Variants in NAV3 observed in about 807,000 individuals in gnomAD.
NAV3 encodes the protein neuron navigator 3, also known as pore membrane and/or filament interacting like protein 1.
NAV3 carries 87 observed loss-of-function variants against 244.7 expected under a neutral mutation model. The ratio of observed to expected loss-of-function variants is 0.36; its 90% CI spans 0.30 to 0.42. NAV3 has a LOEUF of 0.42. Among genes scored for constraint, NAV3 ranks in the 20% least tolerant of loss-of-function variants. NAV3 has a pLI of 1.00. For missense variants in NAV3, 2,663 were observed against 2,893.3 expected, an observed-to-expected ratio of 0.92 and a Z score of 1.83; for synonymous variants, 1,126 against 1,042.2, an observed-to-expected ratio of 1.08 and a Z score of -1.55.
intron 2 of NAV3, among the ~76,000 whole-genome samples, chr12:77,803,186 C>G (rs1181453619): frequency 6.6e-6 from 1 of 152,006 alleles, no homozygotes; most frequent in Non-Finnish European, 1.5e-5. Flanking sequence ...TTTGCTGCAC[C>G]CATCAACCCA....
At chr12:77,579,667 C>T (rs547058108) in intron 2 of NAV3, among the ~76,000 whole-genome samples, 1 of 152,192 alleles carries the variant, frequency 6.6e-6, no homozygotes, top group East Asian at 1.9e-4. Flanking sequence ...GGCTAACATA[C>T]AAACCATAGT....
At chr12:78,191,558 A>G (rs906259864) in intron 34 of NAV3, among the ~76,000 whole-genome samples, 1 of 152,172 alleles carries the variant, frequency 6.6e-6, no homozygotes, top group Admixed American at 6.6e-5. Flanking sequence ...AATAAATGCA[A>G]TACATAAATT....
chr12:77,638,066 G>A (rs1327849042), intron 2 of NAV3, among the ~76,000 whole-genome samples: 1 of 152,066 alleles, frequency 6.6e-6, no homozygotes, highest in Non-Finnish European at 1.5e-5. Context: ...AGAACATAAT[G>A]TTTCTTGTCT....
At chr12:77,860,022 G>T (rs1425810850) in intron 1 of NAV3, among the ~76,000 whole-genome samples, 1 of 151,764 alleles carries the variant, frequency 6.6e-6, no homozygotes, top group Non-Finnish European at 1.5e-5. Context: ...AAAGAATGTG[G>T]TAGCTATATA....
intron 2 of NAV3, among the ~76,000 whole-genome samples, chr12:77,703,909 T>C (rs1875673122): frequency 1.3e-5 from 2 of 152,184 alleles, no homozygotes; most frequent in Non-Finnish European, 2.9e-5. Context: ...GATTGTGTTT[T>C]TAATATGACT....
chr12:77,752,331 A>G (rs943262582), intron 2 of NAV3, among the ~76,000 whole-genome samples: 5 of 152,300 alleles, frequency 3.3e-5, no homozygotes, highest in Non-Finnish European at 5.9e-5. Flanking sequence ...AAAGGGATCT[A>G]TAGACAGGAT....
At chr12:77,877,622 A>T (rs1340863170) in intron 1 of NAV3, among the ~76,000 whole-genome samples, 1 of 152,186 alleles carries the variant, frequency 6.6e-6, no homozygotes, top group Non-Finnish European at 1.5e-5. Flanking sequence ...TTAGGAAATA[A>T]ATAAATGGGG....
chr12:77,643,023 A>G (rs1872481708), intron 2 of NAV3, among the ~76,000 whole-genome samples: 2 of 151,896 alleles, frequency 1.3e-5, no homozygotes. Flanking sequence ...ATTAAGTTTC[A>G]TGTCACTTTT....
chr12:78,017,755 A>G (rs748459442), intron 8 of NAV3, among the ~76,000 whole-genome samples: 2 of 152,136 alleles, frequency 1.3e-5, no homozygotes, highest in Non-Finnish European at 2.9e-5. Context: ...TCATGAATCA[A>G]CCCAAATATT....
At chr12:78,184,371 G>A (rs1958623805) in intron 30 of NAV3, among the ~76,000 whole-genome samples, 1 of 151,826 alleles carries the variant, frequency 6.6e-6, no homozygotes, top group Non-Finnish European at 1.5e-5. Context: ...AAAGGAGCAA[G>A]ATAATTAAAA....
intron 2 of NAV3, among the ~76,000 whole-genome samples, chr12:77,664,391 A>G (rs1873619353): frequency 2.0e-5 from 3 of 152,198 alleles, no homozygotes; most frequent in Admixed American, 2.0e-4. Context: ...TTGGCTAAAT[A>G]TTCAATAGGT....
intron 5 of NAV3, among the ~76,000 whole-genome samples, chr12:77,971,995 T>C (rs1341369470): frequency 6.6e-6 from 1 of 152,168 alleles, no homozygotes; most frequent in South Asian, 2.1e-4. Flanking sequence ...TCAAGTTGAA[T>C]AGCTTTCATT....
At chr12:77,741,215 G>C (rs143623276) in intron 2 of NAV3, among the ~76,000 whole-genome samples, 24 of 145,142 alleles carry the variant, frequency 1.7e-4, no homozygotes, top group African/African-American at 6.1e-4. Context: ...AGATAGAGAA[G>C]GAAGCGGGGG....
At chr12:77,904,791 T>A (rs1427715508) in intron 1 of NAV3, among the ~76,000 whole-genome samples, 1 of 152,198 alleles carries the variant, frequency 6.6e-6, no homozygotes, top group African/African-American at 2.4e-5. Context: ...CTATCCTATC[T>A]TATTTTGGAC....
At chr12:77,623,908 A>G (rs917436516) in intron 2 of NAV3, among the ~76,000 whole-genome samples, 33 of 152,354 alleles carry the variant, frequency 2.2e-4, no homozygotes, top group African/African-American at 7.5e-4. Context: ...TTACCACACT[A>G]GTAAAATGAT....
chr12:78,071,046 A>G (rs1260150764), intron 12 of NAV3, among the ~76,000 whole-genome samples: 1 of 151,474 alleles, frequency 6.6e-6, no homozygotes, highest in South Asian at 2.1e-4. Flanking sequence ...AGCATGATTT[A>G]TAGTCCTTTG....
chr12:78,095,094 T>C (rs969290039), intron 12 of NAV3, among the ~76,000 whole-genome samples: 14 of 145,164 alleles, frequency 9.6e-5, no homozygotes, highest in African/African-American at 3.0e-4. Flanking sequence ...CACACATATA[T>C]ATATACACAT....
intron 8 of NAV3, among the ~76,000 whole-genome samples, chr12:78,019,068 A>G (rs1876717287): frequency 6.6e-6 from 1 of 152,164 alleles, no homozygotes; most frequent in South Asian, 2.1e-4. Flanking sequence ...ATTTCACAAG[A>G]GAGAATGTAT....
chr12:77,953,683 C>A (rs995065256), intron 3 of NAV3, among the ~76,000 whole-genome samples: 1 of 152,152 alleles, frequency 6.6e-6, no homozygotes, highest in African/African-American at 2.4e-5. Flanking sequence ...CGTTCCTTTG[C>A]AATGACACAG....
Sources: allele counts gnomAD v4.1 joint callset (sites outside exome capture counted in the v4.1 genomes callset), GRCh38; gene constraint gnomAD v4.1.1; transcripts MANE v1.5; gene names NCBI Gene and HGNC (gene_info 2026-07-23, HGNC 2026-07-21).